The following RGS3 variants were observed in gnomAD, a reference collection of about 807,000 sequenced individuals.
RGS3 encodes regulator of G-protein signalling 3.
Under a neutral mutation model 132.6 loss-of-function variants are expected in RGS3, and 80 were observed. The observed-to-expected ratio is 0.60, with a 90% CI of 0.50 to 0.73. The LOEUF (loss-of-function observed/expected upper bound fraction) is 0.73, where lower values mean the gene tolerates loss of function less well. RGS3 is among the 30% of genes least tolerant of loss of function. The pLI is 0.00. For synonymous variants in RGS3, 598 were observed against 620.6 expected (o/e 0.96, Z 0.54); for missense variants, 1,382 against 1,530.8 (o/e 0.90, Z 1.62).
intron 9 of RGS3, 137 bp from the exon 8 acceptor site, chr9:113,497,888 G>A (rs1286009385): frequency 1.3e-6 from 1 of 759,028 alleles, no homozygotes. Flanking sequence ...AGCCTCAGGT[G>A]TCCCCACATC....
Position 113,595,576 on chromosome 9 carries a change from C to G in RGS3, c.3245-23C>G, listed in dbSNP as rs753272080. Reference sequence around the variant, plus strand: ...AGGAGAGGCTGAGTTTGCCTCTTACCCCAGGATCCGTTCTCCTCACAGACG... The same window carrying G: ...AGGAGAGGCTGAGTTTGCCTCTTACGCCAGGATCCGTTCTCCTCACAGACG... On this transcript the variant is annotated intron_variant, in intron 23 of 24. Coordinates refer to ENST00000350696, the Ensembl canonical transcript of RGS3. 5.8e-5 allele frequency: 93 copies of G among 1,610,156 alleles called. No individual in the cohort carries two copies. The Middle Eastern group carries it at 6.7e-4, about 12-fold the overall frequency.
At chr9:113,533,689 G>A (rs919152837) in intron 18 of RGS3, among the ~76,000 whole-genome samples, 2 of 152,182 alleles carry the variant, frequency 1.3e-5, no homozygotes, top group African/African-American at 2.4e-5. Context: ...TGGGAGGCTC[G>A]GGCCAGGGCC....
intron 9 of RGS3, 74 bp from the exon 8 acceptor site, chr9:113,497,948 CTGT>C: frequency 2.3e-5 from 33 of 1,462,982 alleles, no homozygotes; most frequent in Non-Finnish European, 3.1e-5. Context: ...TTTCCCAGTG[CTGT>C]CCTCTGGGTG....
chr9:113,500,945 C>T (rs1487109267), intron 10 of RGS3, among the ~76,000 whole-genome samples: 1 of 152,184 alleles, frequency 6.6e-6, no homozygotes, highest in Non-Finnish European at 1.5e-5. Flanking sequence ...CTGCCTTGGC[C>T]TCCCAAAGTG....
intron 19 of RGS3, among the ~76,000 whole-genome samples, chr9:113,572,868 TC>T (rs757094799): frequency 1.3e-5 from 2 of 151,990 alleles, no homozygotes; most frequent in African/African-American, 2.4e-5. Flanking sequence ...CTTCCAAGTT[TC>T]CCCCCCTGAA....
chr9:113,531,143 T>A (rs1832445280), intron 18 of RGS3, among the ~76,000 whole-genome samples: 1 of 152,192 alleles, frequency 6.6e-6, no homozygotes, highest in Non-Finnish European at 1.5e-5. Flanking sequence ...CCGAAAGTAG[T>A]CCTGGGCTCT....
chr9:113,597,024 C>T (rs932271566), exon 25 of RGS3: 14 of 1,376,146 alleles, frequency 1.0e-5, no homozygotes, highest in Admixed American at 2.2e-5. Context: ...CTCCCTGCCC[C>T]CTGTGACGGA....
rs1054650293 is a variant in RGS3, at chr9:113,565,111, T to A, written c.2038-18339T>A. ...GACGCCTCTCCCCCGGAGCAGCACT[T>A]TGGGGCCAGCTTGGGCCCTGGGGAT... is the stretch of plus-strand genomic sequence containing the variant. On this transcript the variant is annotated intron_variant, in intron 19 of 24. Coordinates refer to ENST00000350696, the Ensembl canonical transcript of RGS3. The surrounding 1 kb of genome is among the most constrained non-coding windows in gnomAD (Gnocchi z 5.7). The A allele has an allele frequency of 2.0e-5, 23 of 1,169,584 alleles. No homozygotes were observed. The highest frequency in any genetic ancestry group is 2.4e-5 in the Non-Finnish European group (22 of 932,134). The allele number at this position is 1,169,584 out of a possible 1,614,324, so 72.5% of individuals were successfully genotyped here.
intron 19 of RGS3, among the ~76,000 whole-genome samples, chr9:113,547,895 T>C (rs1285820013): frequency 6.6e-6 from 1 of 152,232 alleles, no homozygotes; most frequent in African/African-American, 2.4e-5. Flanking sequence ...AAGTCTATTA[T>C]TGCTATATGG....
chr9:113,457,760 A>G (rs891135444), upstream of RGS3, among the ~76,000 whole-genome samples: 5 of 152,220 alleles, frequency 3.3e-5, no homozygotes, highest in South Asian at 1.0e-3. Flanking sequence ...ACTTTCTGAA[A>G]GCAAATGGTG....
intron 4 of RGS3, 40 bp from the exon 3 acceptor site, chr9:113,483,019 G>GT: frequency 6.2e-7 from 1 of 1,613,654 alleles, no homozygotes; most frequent in Non-Finnish European, 8.5e-7. Flanking sequence ...GTGTGTGTAT[G>GT]TTTCCATTCA....
chr9:113,544,354 C>T (rs1833025424), intron 19 of RGS3, among the ~76,000 whole-genome samples: 1 of 146,474 alleles, frequency 6.8e-6, no homozygotes, highest in Non-Finnish European at 1.5e-5. Flanking sequence ...TAAAACTCTT[C>T]ATCTATCCTG....
chr9:113,505,610 C>A (rs1177799175), intron 11 of RGS3, 87 bp downstream of exon 9: 2 of 1,067,628 alleles, frequency 1.9e-6, no homozygotes, highest in Non-Finnish European at 1.4e-6. Context: ...AAAGGGGAGC[C>A]CCAAACTGGA....
In RGS3 at chr9:113,506,464, G is replaced by A. The variant is rs1432023232; in HGVS notation, c.1056G>A (p.Trp352Ter). Residue 352 changes from tryptophan to a stop codon, truncating the protein, a stop_gained, in exon 12 of 25, where the codon TGG becomes TGA. Coordinates refer to ENST00000350696, the Ensembl canonical transcript of RGS3. LOFTEE classifies it high-confidence loss of function. This position sits in a 1 kb window ranked among gnomAD's most constrained non-coding sequence, Gnocchi z 4.7. Reference sequence around the variant, plus strand: ...TGAATGAGAGGCCTGTGGAGCACTGGAAATGTGTGGAGCTGGCCCACGAGA... The same window carrying A: ...TGAATGAGAGGCCTGTGGAGCACTGAAAATGTGTGGAGCTGGCCCACGAGA... 1 of 1,596,406 alleles carries A rather than the reference G, an allele frequency of 6.3e-7. No individual in the cohort carries two copies. The highest frequency in any genetic ancestry group is 8.5e-7 in the Non-Finnish European group (1 of 1,172,760).
chr9:113,496,600 G>T (rs1830691954), intron 8 of RGS3, among the ~76,000 whole-genome samples: 1 of 151,882 alleles, frequency 6.6e-6, no homozygotes, highest in Non-Finnish European at 1.5e-5. Context: ...GCCCAGGCTG[G>T]AATGCAGTGT....
intron 19 of RGS3, among the ~76,000 whole-genome samples, chr9:113,576,364 G>A (rs1202416784): frequency 2.1e-5 from 3 of 142,824 alleles, no homozygotes; most frequent in African/African-American, 7.9e-5. Flanking sequence ...ACAGAGTCTT[G>A]CTCTGTCACC....
At chr9:113,542,284 T>C (rs1832935685) in intron 19 of RGS3, among the ~76,000 whole-genome samples, 1 of 152,104 alleles carries the variant, frequency 6.6e-6, no homozygotes, top group Non-Finnish European at 1.5e-5. Context: ...AGCAGGCCAG[T>C]GTGGCTGGAG....
At chr9:113,522,839 C>CTGTGGCTCCCCACCTTCTCGGGGAGGT in intron 16 of RGS3, 91 bp from the exon 15 acceptor site, 1 of 820,778 alleles carries the variant, frequency 1.2e-6, no homozygotes, top group Middle Eastern at 2.2e-4. Context: ...TCTGGGGAGG[C>CTGTGGCTCCCCACCTTCTCGGGGAGGT]TGTGGCTCCC....
chr9:113,480,559 C>T (rs1167313016), intron 4 of RGS3, among the ~76,000 whole-genome samples: 1 of 152,186 alleles, frequency 6.6e-6, no homozygotes, highest in Non-Finnish European at 1.5e-5. Flanking sequence ...AGCACCCACC[C>T]CTGTCTAGAT....
Sources: gnomAD v4.1 joint callset for allele counts (sites outside exome capture counted in the v4.1 genomes callset) on GRCh38, gnomAD v4.1.1 for gene constraint, Gnocchi (gnomAD v3.1) non-coding constraint, MANE v1.5 for transcripts, NCBI Gene and HGNC (gene_info 2026-07-23, HGNC 2026-07-21) for gene names.